The following ATAD2B variants were observed in gnomAD, a reference collection of about 807,000 sequenced individuals.
ATAD2B encodes the protein ATPase family AAA domain containing 2B.
ATAD2B carries 40 observed loss-of-function variants against 167.6 expected under a neutral mutation model. The observed-to-expected ratio is 0.24, with a 90% CI of 0.19 to 0.31. The LOEUF (loss-of-function observed/expected upper bound fraction) is 0.31, where lower values mean the gene tolerates loss of function less well. Among genes scored for constraint, ATAD2B ranks in the 10% least tolerant of loss-of-function variants. The pLI is 1.00. For missense variants in ATAD2B, 1,242 were observed against 1,757.2 expected, an observed-to-expected ratio of 0.71 and a Z score of 5.24; for synonymous variants, 579 against 596.5, an observed-to-expected ratio of 0.97 and a Z score of 0.43.
intron 13 of ATAD2B, among the ~76,000 whole-genome samples, chr2:23,849,509 T>G (rs1692223354): frequency 6.6e-6 from 1 of 152,176 alleles, no homozygotes; most frequent in African/African-American, 2.4e-5. Context: ...GTCTCTGCAA[T>G]CAATAGAATT....
intron 15 of ATAD2B, 48 bp from the exon 16 acceptor site, chr2:23,823,617 T>C (rs1338739291): frequency 2.7e-6 from 4 of 1,508,876 alleles, no homozygotes; most frequent in East Asian, 4.5e-5. Flanking sequence ...CATTATTCCA[T>C]GCACCAACTA....
At chr2:23,824,738 G>A (rs186040722) in intron 15 of ATAD2B, among the ~76,000 whole-genome samples, 1 of 152,084 alleles carries the variant, frequency 6.6e-6, no homozygotes, top group Non-Finnish European at 1.5e-5. Flanking sequence ...TCATTCATCT[G>A]AGTAACAAAT....
intron 13 of ATAD2B, among the ~76,000 whole-genome samples, chr2:23,839,788 G>A (rs1397855045): frequency 2.0e-5 from 3 of 152,062 alleles, no homozygotes; most frequent in Non-Finnish European, 4.4e-5. Flanking sequence ...TTTGAAGTAT[G>A]TATACCCTGT....
intron 1 of ATAD2B, among the ~76,000 whole-genome samples, chr2:23,921,319 A>G (rs1046545101): frequency 6.6e-6 from 1 of 152,172 alleles, no homozygotes; most frequent in Admixed American, 6.5e-5. Context: ...ATGTCCTGAA[A>G]GAAATGCCAA....
At chr2:23,702,389 A>T in the ATAD2B span, among the ~76,000 whole-genome samples, 1 of 152,210 alleles carries the variant, frequency 6.6e-6, no homozygotes, top group Admixed American at 6.5e-5. Flanking sequence ...TATCTCATGG[A>T]TTTTATTGAA....
At chr2:23,888,542 G>A (rs1007251721) in intron 2 of ATAD2B, 143 bp from the exon 3 acceptor site, 9 of 572,736 alleles carry the variant, frequency 1.6e-5, no homozygotes, top group Non-Finnish European at 2.1e-5. Context: ...TTGGTAATAT[G>A]TCAATTAATA....
intron 14 of ATAD2B, among the ~76,000 whole-genome samples, chr2:23,830,835 G>A (rs1471651948): frequency 6.6e-6 from 1 of 151,578 alleles, no homozygotes; most frequent in African/African-American, 2.4e-5. Flanking sequence ...GTGATTACAA[G>A]ACCCTTAAAA....
At chr2:23,876,003 G>A in intron 7 of ATAD2B, 99 bp from the exon 8 acceptor site, 1 of 931,344 alleles carries the variant, frequency 1.1e-6, no homozygotes, top group South Asian at 1.5e-5. Context: ...TTTTGTTGTT[G>A]TTGTTTTTTG....
At position 23,807,617 on chromosome 2, in the gene ATAD2B, C is replaced by T. The variant is rs1461298518; in HGVS notation, c.2454+2699G>A. Among the ~76,000 whole-genome samples the T allele has an allele frequency of 2.6e-5, 4 of 151,762 alleles. No individual in the cohort carries two copies. The South Asian group carries it at 6.3e-4, about 24-fold the overall frequency. On this transcript the variant is annotated intron_variant, in intron 18 of 27. Transcript: ENST00000238789. ...AGATCACGAAGTCAGGAGATCAAGGCCATCCTGGCTAACATGGTGACACAC... is the reference window on the plus strand; with the variant it reads ...AGATCACGAAGTCAGGAGATCAAGGTCATCCTGGCTAACATGGTGACACAC...
chr2:23,695,597 A>G, the ATAD2B span: 2 of 1,506,150 alleles, frequency 1.3e-6, no homozygotes, highest in Non-Finnish European at 1.8e-6. The surrounding 1 kb of genome is among the most constrained non-coding windows in gnomAD (Gnocchi z 7.6). Flanking sequence ...CTAGTCTAAG[A>G]AGATTCTGTC....
At chr2:23,759,450 T>C (rs1392428885) in intron 24 of ATAD2B, among the ~76,000 whole-genome samples, 2 of 152,216 alleles carry the variant, frequency 1.3e-5, no homozygotes, top group Non-Finnish European at 2.9e-5. Flanking sequence ...AATATGAATT[T>C]AGAATCTATC....
At position 23,926,773 on chromosome 2, in the gene ATAD2B, TC is replaced by T; in HGVS notation, c.-4del. On this transcript the variant is annotated 5_prime_UTR_variant, in exon 1 of 28. Transcript: ENST00000238789. ...GAGCTCTTCCGGGTGTTCACCATGG[TC>T]CAGCCAGGGGGACGGAGTCCACGCC... is the stretch of plus-strand genomic sequence containing the variant. 6.5e-7 allele frequency: 1 copy of T among 1,532,078 alleles called. No homozygotes were observed. Among genetic ancestry groups the T allele is most frequent in the Non-Finnish European group, 8.8e-7 (1 of 1,138,362 alleles). The allele number at this position is 1,532,078 out of a possible 1,614,324, so 94.9% of individuals were successfully genotyped here. A position where few individuals can be genotyped will look rare whatever the true frequency, so the allele number is the denominator to read the frequency against.
chr2:23,880,858 C>A, intron 6 of ATAD2B, 103 bp from the exon 7 acceptor site: 1 of 700,572 alleles, frequency 1.4e-6, no homozygotes. Flanking sequence ...ATTACTCTTT[C>A]TGCACAGGTG....
chr2:23,825,643 G>GA (rs1414917691), intron 15 of ATAD2B, among the ~76,000 whole-genome samples: 2 of 152,082 alleles, frequency 1.3e-5, no homozygotes, highest in Non-Finnish European at 2.9e-5. Context: ...CATTTCCGAG[G>GA]AAATAGGAAT....
At chr2:23,728,331 C>G in the ATAD2B span, among the ~76,000 whole-genome samples, 60 of 152,166 alleles carry the variant, frequency 3.9e-4, no homozygotes, top group African/African-American at 1.3e-3. Flanking sequence ...GCATGTACAA[C>G]ACTTGTTTAT....
chr2:23,794,453 T>C (rs917487857), intron 19 of ATAD2B, among the ~76,000 whole-genome samples: 1 of 152,208 alleles, frequency 6.6e-6, no homozygotes, highest in Non-Finnish European at 1.5e-5. Context: ...TCAGCAGATA[T>C]GTAGTTGGAA....
At position 23,926,781 on chromosome 2, in the gene ATAD2B, G is replaced by C; in HGVS notation, c.-11C>G. On this transcript the variant is annotated 5_prime_UTR_variant, in exon 1 of 28. Transcript: ENST00000238789. Reference sequence around the variant, plus strand: ...CCGGGTGTTCACCATGGTCCAGCCAGGGGGACGGAGTCCACGCCGCGCCCG... The same window carrying C: ...CCGGGTGTTCACCATGGTCCAGCCACGGGGACGGAGTCCACGCCGCGCCCG... 6.6e-7 allele frequency: 1 copy of C among 1,514,952 alleles called. No individual in the cohort carries two copies. Among genetic ancestry groups the C allele is most frequent in the Non-Finnish European group, 8.9e-7 (1 of 1,129,380 alleles). 93.8% of individuals were successfully genotyped at this position (1,514,952 alleles called of 1,614,324 possible). A position where few individuals can be genotyped will look rare whatever the true frequency, so the allele number is the denominator to read the frequency against.
chr2:23,685,122 C>T, the ATAD2B span, among the ~76,000 whole-genome samples: 4 of 152,242 alleles, frequency 2.6e-5, no homozygotes, highest in East Asian at 1.9e-4. Flanking sequence ...CCTAAACCGG[C>T]GCTGTGGAGC....
the ATAD2B span, among the ~76,000 whole-genome samples, chr2:23,693,040 G>A: frequency 3.3e-5 from 5 of 152,238 alleles, no homozygotes; most frequent in East Asian, 3.9e-4. Flanking sequence ...GGACCTGTGC[G>A]CACAGAGGGA....
Sources: gnomAD v4.1 joint callset for allele counts (sites outside exome capture counted in the v4.1 genomes callset) on GRCh38, gnomAD v4.1.1 for gene constraint, Gnocchi (gnomAD v3.1) non-coding constraint, MANE v1.5 for transcripts, NCBI Gene and HGNC (gene_info 2026-07-23, HGNC 2026-07-21) for gene names.